GC: variants seen among roughly 807,000 people sequenced by gnomAD.
GC encodes vitamin D-binding protein.
In GC, 43 loss-of-function variants were observed where a neutral mutation model predicts 56.7. The ratio of observed to expected loss-of-function variants is 0.76; its 90% CI spans 0.59 to 0.98. The LOEUF (loss-of-function observed/expected upper bound fraction) is 0.98, where lower values mean the gene tolerates loss of function less well. GC is among the 50% of genes least tolerant of loss of function. The pLI, the probability that GC is intolerant of heterozygous loss-of-function variation, is 0.00. For missense variants in GC, 529 were observed against 545.9 expected, an observed-to-expected ratio of 0.97 and a Z score of 0.31; for synonymous variants, 216 against 202.7, an observed-to-expected ratio of 1.07 and a Z score of -0.56.
At chr4:71,801,887 C>CT (rs1743261778) in intron 1 of GC, among the ~76,000 whole-genome samples, 1 of 127,792 alleles carries the variant, frequency 7.8e-6, no homozygotes, top group African/African-American at 3.5e-5. Context: ...CTGTTTCTTT[C>CT]TTCTTTTTTT....
In GC at chr4:71,768,444, A is replaced by T. The variant is rs1742237390; in HGVS notation, c.129-11T>A. 1 of 1,596,852 alleles carries T rather than the reference A, an allele frequency of 6.3e-7. No homozygotes were observed. The highest frequency in any genetic ancestry group is 1.8e-5 in the Admixed American group (1 of 56,650). On this transcript the variant is annotated splice_polypyrimidine_tract_variant and intron_variant, in intron 2 of 12. Coordinates refer to ENST00000273951, the MANE Select transcript of GC (RefSeq NM_000583.4). ...TACAGGACTAGTGACCTGAGGGGAAAATAAGACAATATATCAATTAGAACT... is the reference window on the plus strand; with the variant it reads ...TACAGGACTAGTGACCTGAGGGGAATATAAGACAATATATCAATTAGAACT...
intron 1 of GC, among the ~76,000 whole-genome samples, chr4:71,770,970 C>G (rs941328964): frequency 2.6e-5 from 4 of 152,112 alleles, no homozygotes; most frequent in African/African-American, 9.7e-5. Context: ...TGTAATAGGG[C>G]GGACACATCA....
intron 1 of GC, among the ~76,000 whole-genome samples, chr4:71,793,589 T>A (rs1286561798): frequency 1.3e-5 from 2 of 152,216 alleles, no homozygotes; most frequent in African/African-American, 4.8e-5. Flanking sequence ...TATACAATCA[T>A]GTCATCTGCA....
chr4:71,799,011 T>C (rs1743182449), intron 1 of GC, among the ~76,000 whole-genome samples: 1 of 152,226 alleles, frequency 6.6e-6, no homozygotes, highest in Non-Finnish European at 1.5e-5. Context: ...GAATCATTAC[T>C]ATGTCTAATT....
chr4:71,784,778 C>A (rs1016700066), upstream of GC, among the ~76,000 whole-genome samples: 3 of 151,672 alleles, frequency 2.0e-5, no homozygotes, highest in Non-Finnish European at 4.4e-5. Flanking sequence ...ATCTTGGACT[C>A]CCTACAGTGA....
At chr4:71,782,874 A>G (rs1046810991) in intron 1 of GC, among the ~76,000 whole-genome samples, 1 of 151,756 alleles carries the variant, frequency 6.6e-6, no homozygotes, top group African/African-American at 2.4e-5. Flanking sequence ...AAGGGACACA[A>G]TTTATGTTGC....
intron 1 of GC, among the ~76,000 whole-genome samples, chr4:71,772,936 C>T (rs1044952334): frequency 1.3e-5 from 2 of 152,040 alleles, no homozygotes; most frequent in African/African-American, 4.8e-5. Context: ...ATCATTGTCT[C>T]AATTTTCAAA....
In GC at chr4:71,741,770, A is replaced by G. The variant is rs188511686; in HGVS notation, c.*126T>C. 1 of 696,928 alleles carries G rather than the reference A, an allele frequency of 1.4e-6. No homozygotes were observed. Among genetic ancestry groups the G allele is most frequent in the African/African-American group, 1.8e-5 (1 of 57,060 alleles). The allele number at this position is 696,928 out of a possible 1,614,324, so 43.2% of individuals were successfully genotyped here. ...GTCATTGTATGAAGATATTGTAGCT[A>G]GAAAAAGTAGAAAGTATCCTAGTTG... On this transcript the variant is annotated 3_prime_UTR_variant, in exon 13 of 13. Coordinates refer to ENST00000273951, the MANE Select transcript of GC (RefSeq NM_000583.4).
chr4:71,768,232 G>A (rs777276548), intron 3 of GC, 69 bp downstream of exon 3: 31 of 1,335,578 alleles, frequency 2.3e-5, no homozygotes, highest in Middle Eastern at 2.0e-4. Flanking sequence ...TTTTCAACAC[G>A]TGGTATAAAG....
At chr4:71,784,804 T>C (rs1490809579), upstream of GC, among the ~76,000 whole-genome samples, 1 of 151,768 alleles carries the variant, frequency 6.6e-6, no homozygotes, top group Non-Finnish European at 1.5e-5. Flanking sequence ...AAGCTCCTTC[T>C]ACTAATAGTT....
At chr4:71,787,298 T>G (rs1362062610), upstream of GC, among the ~76,000 whole-genome samples, 1 of 151,898 alleles carries the variant, frequency 6.6e-6, no homozygotes, top group African/African-American at 2.4e-5. Context: ...TTGCTGTGTA[T>G]GTACATTAAA....
At chr4:71,802,882 T>C (rs1377598769) in intron 1 of GC, among the ~76,000 whole-genome samples, 1 of 152,186 alleles carries the variant, frequency 6.6e-6, no homozygotes, top group Non-Finnish European at 1.5e-5. Context: ...ATATAATCAA[T>C]TTATGATGAG....
intron 1 of GC, among the ~76,000 whole-genome samples, chr4:71,771,018 A>G (rs879298878): frequency 6.6e-6 from 1 of 152,166 alleles, no homozygotes; most frequent in Non-Finnish European, 1.5e-5. Context: ...CTCATCATTT[A>G]TGCAAATAAG....
intron 1 of GC, among the ~76,000 whole-genome samples, chr4:71,795,869 C>T (rs1743088910): frequency 6.6e-6 from 1 of 152,146 alleles, no homozygotes; most frequent in Non-Finnish European, 1.5e-5. Flanking sequence ...CAAAATCTGT[C>T]AGCATTTGCT....
At chr4:71,779,437 A>G (rs904787705) in intron 1 of GC, among the ~76,000 whole-genome samples, 6 of 151,852 alleles carry the variant, frequency 4.0e-5, no homozygotes, top group Non-Finnish European at 2.9e-5. Flanking sequence ...AGCTATGAGA[A>G]TATCTGGACA....
chr4:71,746,062 T>G (rs1043480337), intron 12 of GC, 89 bp downstream of exon 12: 2 of 686,994 alleles, frequency 2.9e-6, no homozygotes, highest in Non-Finnish European at 5.3e-6. Context: ...AAGAATAAAT[T>G]TATTAAAGTC....
chr4:71,796,300 A>G (rs1743103284), intron 1 of GC, among the ~76,000 whole-genome samples: 1 of 152,242 alleles, frequency 6.6e-6, no homozygotes, highest in Non-Finnish European at 1.5e-5. Context: ...CAGGTACAGC[A>G]ATCAAATGTA....
At chr4:71,749,673 T>C (rs562315002) in intron 11 of GC, among the ~76,000 whole-genome samples, 1 of 152,314 alleles carries the variant, frequency 6.6e-6, no homozygotes, top group South Asian at 2.1e-4. Flanking sequence ...GAAAGAACTG[T>C]TCAATTTAAT....
At chr4:71,788,152 C>T (rs969021330), upstream of GC, among the ~76,000 whole-genome samples, 3 of 151,646 alleles carry the variant, frequency 2.0e-5, no homozygotes, top group African/African-American at 7.3e-5. Context: ...AATTTATCAA[C>T]CCTGGATTTA....
Sources: allele counts gnomAD v4.1 joint callset (sites outside exome capture counted in the v4.1 genomes callset), GRCh38; gene constraint gnomAD v4.1.1; transcripts MANE v1.5; gene names NCBI Gene and HGNC (gene_info 2026-07-23, HGNC 2026-07-21).